The following CDK14 variants were observed in gnomAD, a reference collection of about 807,000 sequenced individuals.
CDK14 encodes cyclin-dependent kinase 14.
In CDK14, 34 loss-of-function variants were observed where a neutral mutation model predicts 60.7. The ratio of observed to expected loss-of-function variants is 0.56; its 90% CI spans 0.43 to 0.75. The LOEUF (loss-of-function observed/expected upper bound fraction) is 0.75, where lower values mean the gene tolerates loss of function less well. Among genes scored for constraint, CDK14 ranks in the 30% least tolerant of loss-of-function variants. The probability of loss-of-function intolerance (pLI) is 0.00; values close to 1 mark genes in which losing one functional copy is unlikely to be tolerated. For missense variants in CDK14, 482 were observed against 564.1 expected, an observed-to-expected ratio of 0.85 and a Z score of 1.47; for synonymous variants, 197 against 203.7, an observed-to-expected ratio of 0.97 and a Z score of 0.28.
chr7:90,963,121 G>GTGTGCGTGTGTT (rs1267435147), intron 9 of CDK14, among the ~76,000 whole-genome samples: 1 of 142,232 alleles, frequency 7.0e-6, no homozygotes, highest in Admixed American at 7.0e-5. Flanking sequence ...GTGTGTGTGT[G>GTGTGCGTGTGTT]TGTTTTAATT....
chr7:90,928,926 C>T (rs1005186253), intron 8 of CDK14, among the ~76,000 whole-genome samples: 15 of 152,160 alleles, frequency 9.9e-5, no homozygotes, highest in African/African-American at 3.4e-4. Flanking sequence ...GCAATGGCGA[C>T]GCCCCTCCCT....
chr7:90,744,734 C>T (rs1234080847), intron 3 of CDK14, among the ~76,000 whole-genome samples: 1 of 129,494 alleles, frequency 7.7e-6, no homozygotes, highest in Non-Finnish European at 1.7e-5. Context: ...GCGCCCCTCA[C>T]CTCCCGGACG....
chr7:90,863,682 GTGTGTGTGTGTGTGTT>G (rs1299091494), intron 6 of CDK14, among the ~76,000 whole-genome samples: 2 of 151,318 alleles, frequency 1.3e-5, no homozygotes, highest in Admixed American at 1.3e-4. Flanking sequence ...GTGTGTGTGT[GTGTGTGTGTGTGTGTT>G]TGTGTGTGTG....
At chr7:90,765,761 G>A (rs1236242304) in intron 4 of CDK14, among the ~76,000 whole-genome samples, 1 of 152,070 alleles carries the variant, frequency 6.6e-6, no homozygotes, top group African/African-American at 2.4e-5. Context: ...TAGAAGAAAG[G>A]GGAGAAGTGT....
intron 8 of CDK14, among the ~76,000 whole-genome samples, chr7:90,946,280 C>G (rs886252438): frequency 1.3e-5 from 2 of 152,126 alleles, no homozygotes; most frequent in African/African-American, 2.4e-5. Flanking sequence ...TTTGGAGATT[C>G]AAAGTTGTGA....
Position 91,039,210 on chromosome 7 carries a change from T to A in CDK14, c.1042-6687T>A, listed in dbSNP as rs551570678. ...TTTCCTGGGCCCCCACCGCGCTCAT[T>A]ACACCCCTCATTGAGCAGCCTTGTC... On this transcript the variant is annotated intron_variant, in intron 10 of 14. Transcript: ENST00000380050. Among the ~76,000 whole-genome samples the A allele has an allele frequency of 2.6e-5, 4 of 152,234 alleles. No individual in the cohort carries two copies. The South Asian group carries it at 8.3e-4, about 32-fold the overall frequency.
chr7:90,727,199 T>C lies in CDK14; in HGVS notation c.369+387T>C, dbSNP rs778916923. The stretch of plus-strand genomic sequence containing the variant: ...AAGGAATTTCATTGCAGAATAAATA[T>C]CAAAATTTGTTCACTTGCGTTAATC... On this transcript the variant is annotated intron_variant, in intron 3 of 14. Transcript: ENST00000380050. Among the ~76,000 whole-genome samples, 9 of 152,288 alleles carry C rather than the reference T, an allele frequency of 5.9e-5. No homozygotes were observed. The South Asian group carries it at 1.4e-3, about 25-fold the overall frequency.
chr7:91,192,316 A>G lies in CDK14; in HGVS notation c.*29-14849A>G, dbSNP rs116355976. Among the ~76,000 whole-genome samples, 1,329 of 152,336 alleles carry G rather than the reference A, an allele frequency of 8.7e-3. 26 individuals are homozygous for G. Among genetic ancestry groups the G allele is most frequent in the African/African-American group, 0.029 (1,209 of 41,558 alleles). On this transcript the variant is annotated intron_variant, in intron 14 of 14. Transcript: ENST00000380050. ...TAGAAAACCATGAGTTGCTCTTCTA[A>G]TGATCAGAAAAACACTCATGGATAA...
intron 2 of CDK14, chr7:90,709,749 T>A: frequency 7.0e-7 from 1 of 1,426,884 alleles, no homozygotes; most frequent in African/African-American, 1.5e-5. Context: ...TGAGATTAGC[T>A]TCTCTTAGGG....
At chr7:90,917,079 GT>G (rs1793104980) in intron 7 of CDK14, among the ~76,000 whole-genome samples, 2 of 152,216 alleles carry the variant, frequency 1.3e-5, no homozygotes, top group South Asian at 4.1e-4. Context: ...CAATATGACT[GT>G]TTTTGTTTTA....
At chr7:91,079,730 T>G (rs530414682) in intron 12 of CDK14, among the ~76,000 whole-genome samples, 1 of 152,330 alleles carries the variant, frequency 6.6e-6, no homozygotes, top group Admixed American at 6.5e-5. Context: ...AAATTCCTTG[T>G]GGTCAGCCTT....
intron 14 of CDK14, among the ~76,000 whole-genome samples, chr7:91,198,134 G>A (rs1802607292): frequency 6.6e-6 from 1 of 152,192 alleles, no homozygotes; most frequent in Admixed American, 6.5e-5. Context: ...TATGCACAAT[G>A]TGTCACTTCA....
chr7:91,156,204 G>A (rs1800977391), intron 14 of CDK14, among the ~76,000 whole-genome samples: 1 of 152,102 alleles, frequency 6.6e-6, no homozygotes, highest in African/African-American at 2.4e-5. Flanking sequence ...TTTGTTGTTT[G>A]TTTTTTAATT....
chr7:90,933,118 T>G (rs937074664), intron 8 of CDK14, among the ~76,000 whole-genome samples: 3 of 152,030 alleles, frequency 2.0e-5, no homozygotes, highest in Non-Finnish European at 4.4e-5. Flanking sequence ...GGCAGGCAGA[T>G]CCCTTGAGCT....
chr7:90,970,894 C>T (rs1212500897), intron 9 of CDK14, among the ~76,000 whole-genome samples: 2 of 152,256 alleles, frequency 1.3e-5, no homozygotes, highest in African/African-American at 4.8e-5. Context: ...GTGTACTCCT[C>T]AGACTAGTTT....
At chr7:90,604,980 C>T (rs933185329) in intron 2 of CDK14, among the ~76,000 whole-genome samples, 1 of 152,144 alleles carries the variant, frequency 6.6e-6, no homozygotes, top group Admixed American at 6.5e-5. Context: ...AACTGGGCCA[C>T]ATGTGTATAT....
intron 12 of CDK14, among the ~76,000 whole-genome samples, chr7:91,086,829 T>C (rs1798656151): frequency 6.6e-6 from 1 of 152,252 alleles, no homozygotes. Flanking sequence ...TTTATTGATA[T>C]CATTTTCATT....
chr7:90,898,283 T>G (rs1562819075), intron 6 of CDK14, among the ~76,000 whole-genome samples: 1 of 152,104 alleles, frequency 6.6e-6, no homozygotes, highest in Non-Finnish European at 1.5e-5. Flanking sequence ...CTGGAACATA[T>G]GGGCTCAAAA....
intron 6 of CDK14, among the ~76,000 whole-genome samples, chr7:90,863,684 GTGTGTGTGTGTGTT>G (rs900382603): frequency 2.0e-5 from 3 of 151,326 alleles, no homozygotes; most frequent in African/African-American, 7.3e-5. Context: ...GTGTGTGTGT[GTGTGTGTGTGTGTT>G]TGTGTGTGTG....
Sources: gnomAD v4.1 joint callset for allele counts (sites outside exome capture counted in the v4.1 genomes callset) on GRCh38, gnomAD v4.1.1 for gene constraint, MANE v1.5 for transcripts, NCBI Gene and HGNC (gene_info 2026-07-23, HGNC 2026-07-21) for gene names.